The following PRKCB variants were observed in gnomAD, a reference collection of about 807,000 sequenced individuals.
PRKCB encodes the protein protein kinase C beta.
In PRKCB, 13 loss-of-function variants were observed where a neutral mutation model predicts 81.5. The ratio of observed to expected loss-of-function variants is 0.16; its 90% CI spans 0.10 to 0.25. The LOEUF (loss-of-function observed/expected upper bound fraction) is 0.25. PRKCB is among the 10% of genes least tolerant of loss of function. The pLI is 1.00. For synonymous variants in PRKCB, 335 were observed against 321.4 expected (o/e 1.04, Z -0.45); for missense variants, 509 against 875.7 (o/e 0.58, Z 5.29).
chr16:23,950,516 C>A (rs1964266717), intron 2 of PRKCB, among the ~76,000 whole-genome samples: 1 of 152,226 alleles, frequency 6.6e-6, no homozygotes, highest in Non-Finnish European at 1.5e-5. Context: ...CTGCCGTGGA[C>A]AAGCTGTGTG....
At chr16:24,026,263 C>A (rs1320123689) in intron 3 of PRKCB, among the ~76,000 whole-genome samples, 1 of 152,216 alleles carries the variant, frequency 6.6e-6, no homozygotes, top group African/African-American at 2.4e-5. Context: ...CCACTGCACT[C>A]CAGCCTGCAT....
chr16:23,882,982 T>C (rs1963147228), intron 2 of PRKCB, among the ~76,000 whole-genome samples: 1 of 152,076 alleles, frequency 6.6e-6, no homozygotes, highest in African/African-American at 2.4e-5. Flanking sequence ...GGATTTGGCT[T>C]CTAACTGCAC....
chr16:24,079,662 A>G (rs1432744806), intron 5 of PRKCB, among the ~76,000 whole-genome samples: 2 of 152,204 alleles, frequency 1.3e-5, no homozygotes, highest in East Asian at 3.8e-4. Context: ...TCTAAGATAC[A>G]ATTCAGACAA....
chr16:23,929,434 A>T (rs575101089), intron 2 of PRKCB, among the ~76,000 whole-genome samples: 14 of 152,066 alleles, frequency 9.2e-5, no homozygotes, highest in African/African-American at 3.1e-4. Flanking sequence ...CAGATTATTA[A>T]CCTCTCTGAG....
At chr16:23,976,754 G>T (rs570918763) in intron 2 of PRKCB, among the ~76,000 whole-genome samples, 17 of 152,252 alleles carry the variant, frequency 1.1e-4, no homozygotes, top group African/African-American at 4.1e-4. Context: ...ATCTTTGGGG[G>T]CCTGATCAAA....
At chr16:24,175,217 C>A (rs536695371) in intron 12 of PRKCB, among the ~76,000 whole-genome samples, 1 of 152,142 alleles carries the variant, frequency 6.6e-6, no homozygotes, top group East Asian at 2.0e-4. Context: ...AATGGCATAG[C>A]CAGGGCAGGC....
chr16:24,157,158 C>T (rs1254828858), intron 10 of PRKCB, among the ~76,000 whole-genome samples: 1 of 152,120 alleles, frequency 6.6e-6, no homozygotes, highest in African/African-American at 2.4e-5. Flanking sequence ...GGAAATTTTG[C>T]AGAAGTCTGG....
chr16:23,893,047 G>A (rs771126452), intron 2 of PRKCB: 1 of 151,972 alleles, frequency 6.6e-6, no homozygotes, highest in Non-Finnish European at 1.5e-5. Context: ...TTGAAATACA[G>A]GGATGGTCTG....
At chr16:24,089,874 CA>C (rs1390618808) in intron 5 of PRKCB, among the ~76,000 whole-genome samples, 3 of 152,096 alleles carry the variant, frequency 2.0e-5, no homozygotes, top group Non-Finnish European at 2.9e-5. Context: ...TAATATATAG[CA>C]GTTAACATTT....
At chr16:24,054,924 G>T (rs1048495739) in intron 5 of PRKCB, among the ~76,000 whole-genome samples, 1 of 152,222 alleles carries the variant, frequency 6.6e-6, no homozygotes, top group Admixed American at 6.5e-5. Context: ...TCTGATTGAG[G>T]TCTTGTTTTC....
chr16:24,191,421 C>G, intron 16 of PRKCB, 191 bp downstream of exon 16: 2 of 553,220 alleles, frequency 3.6e-6, no homozygotes, highest in South Asian at 5.5e-5. Context: ...CCAGCTTAGT[C>G]TCTATAAAGA....
At chr16:23,840,961 C>T (rs1962253163) in intron 2 of PRKCB, among the ~76,000 whole-genome samples, 1 of 152,194 alleles carries the variant, frequency 6.6e-6, no homozygotes, top group Admixed American at 6.5e-5. Context: ...TGTTTGATGA[C>T]AGGGAACTGG....
intron 5 of PRKCB, among the ~76,000 whole-genome samples, chr16:24,036,210 C>CTGGTGGTGGTGG (rs71154268): frequency 1.3e-5 from 2 of 150,978 alleles, no homozygotes; most frequent in East Asian, 1.9e-4. Flanking sequence ...GGAGGAGCTG[C>CTGGTGGTGGTGG]TGGTGGTGGT....
At chr16:23,894,212 C>T (rs572209247) in intron 2 of PRKCB, among the ~76,000 whole-genome samples, 22 of 152,276 alleles carry the variant, frequency 1.4e-4, no homozygotes, top group Admixed American at 3.3e-4. Context: ...GTTTTGGTTG[C>T]ATCACATTTG....
intron 8 of PRKCB, among the ~76,000 whole-genome samples, chr16:24,114,918 A>G (rs1408665269): frequency 6.6e-6 from 1 of 151,910 alleles, no homozygotes; most frequent in Non-Finnish European, 1.5e-5. Flanking sequence ...TACCTTGAGA[A>G]CATGTACAAG....
At chr16:23,910,572 G>C (rs968888130) in intron 2 of PRKCB, among the ~76,000 whole-genome samples, 2 of 152,082 alleles carry the variant, frequency 1.3e-5, no homozygotes, top group African/African-American at 2.4e-5. Context: ...TTTTGTTCTC[G>C]TTGTGTTTTA....
intron 2 of PRKCB, among the ~76,000 whole-genome samples, chr16:23,983,801 T>C (rs1323725043): frequency 6.6e-6 from 1 of 152,058 alleles, no homozygotes; most frequent in African/African-American, 2.4e-5. Context: ...CTGCAGCCTC[T>C]GCCTCCCTGG....
intron 5 of PRKCB, among the ~76,000 whole-genome samples, chr16:24,038,330 G>A (rs1489323115): frequency 6.6e-6 from 1 of 152,186 alleles, no homozygotes; most frequent in East Asian, 1.9e-4. Flanking sequence ...TGAGACCCTG[G>A]CATATTGTAG....
intron 5 of PRKCB, among the ~76,000 whole-genome samples, chr16:24,072,644 T>TGC (rs1966125782): frequency 6.6e-6 from 1 of 151,700 alleles, no homozygotes; most frequent in Non-Finnish European, 1.5e-5. Flanking sequence ...TGCAATGGCA[T>TGC]GATCTCTGCT....
Sources: gnomAD v4.1 joint callset for allele counts (sites outside exome capture counted in the v4.1 genomes callset) on GRCh38, gnomAD v4.1.1 for gene constraint, MANE v1.5 for transcripts, NCBI Gene and HGNC (gene_info 2026-07-23, HGNC 2026-07-21) for gene names.